Variants in MIPOL1 observed in about 807,000 individuals in gnomAD.
MIPOL1 encodes mirror-image polydactyly gene 1 protein.
A neutral mutation model predicts 60.9 loss-of-function variants in MIPOL1; 57 were observed. The observed-to-expected ratio is 0.94, with a 90% CI of 0.76 to 1.17. MIPOL1 has a LOEUF of 1.17. Among genes scored for constraint, MIPOL1 ranks in the 50% most tolerant of loss-of-function variants. The probability of loss-of-function intolerance (pLI) is 0.00; values close to 1 mark genes in which losing one functional copy is unlikely to be tolerated. For missense variants in MIPOL1, 551 were observed against 511.6 expected (o/e 1.08, Z -0.74); for synonymous variants, 179 against 168.8 (o/e 1.06, Z -0.47).
chr14:37,433,177 C>T (rs193183315), intron 11 of MIPOL1, among the ~76,000 whole-genome samples: 1 of 152,278 alleles, frequency 6.6e-6, no homozygotes, highest in East Asian at 1.9e-4. Context: ...CCTCCTGCCT[C>T]AGCCTCCTGA....
chr14:37,225,593 C>T (rs543504642), intron 1 of MIPOL1, among the ~76,000 whole-genome samples: 357 of 152,250 alleles, frequency 2.3e-3, no homozygotes, highest in Non-Finnish European at 3.7e-3. Flanking sequence ...CTGCACACAG[C>T]ACAGGACCCC....
intron 10 of MIPOL1, 108 bp downstream of exon 10, chr14:37,369,732 G>A (rs2092587392): frequency 5.7e-6 from 4 of 706,406 alleles, no homozygotes; most frequent in Non-Finnish European, 9.3e-6. Context: ...GTGAGCTGTG[G>A]TGTTTGCCAA....
At chr14:37,481,729 A>C (rs1691779414) in intron 11 of MIPOL1, among the ~76,000 whole-genome samples, 1 of 152,142 alleles carries the variant, frequency 6.6e-6, no homozygotes, top group Admixed American at 6.6e-5. Context: ...GATACTGCCA[A>C]AAAATATACC....
intron 9 of MIPOL1, among the ~76,000 whole-genome samples, chr14:37,325,524 T>C (rs2089066850): frequency 6.6e-6 from 1 of 151,914 alleles, no homozygotes; most frequent in Admixed American, 6.6e-5. Flanking sequence ...CTTTCCTTCC[T>C]TTCTTTTTTC....
At chr14:37,430,174 G>A (rs1475720637) in intron 11 of MIPOL1, among the ~76,000 whole-genome samples, 4 of 152,026 alleles carry the variant, frequency 2.6e-5, no homozygotes, top group African/African-American at 9.7e-5. Flanking sequence ...AAGAAGACTT[G>A]AATTACACTT....
chr14:37,457,157 A>C (rs1334483694), intron 11 of MIPOL1, among the ~76,000 whole-genome samples: 1 of 152,180 alleles, frequency 6.6e-6, no homozygotes, highest in Non-Finnish European at 1.5e-5. Flanking sequence ...ACAGTAGAAA[A>C]TTCATGAGAG....
intron 12 of MIPOL1, among the ~76,000 whole-genome samples, chr14:37,517,454 C>T (rs534551350): frequency 1.3e-5 from 2 of 152,004 alleles, no homozygotes; most frequent in African/African-American, 4.8e-5. Flanking sequence ...CTGGTGAGAA[C>T]GTGAAATGGT....
chr14:37,486,952 T>C (rs750067038), intron 11 of MIPOL1, among the ~76,000 whole-genome samples: 1 of 152,188 alleles, frequency 6.6e-6, no homozygotes, highest in Non-Finnish European at 1.5e-5. Flanking sequence ...GCCCATTCAG[T>C]ATGATATTGA....
intron 10 of MIPOL1, among the ~76,000 whole-genome samples, chr14:37,380,161 C>T (rs2092887162): frequency 1.3e-5 from 2 of 152,068 alleles, no homozygotes; most frequent in African/African-American, 4.8e-5. Context: ...ATGAAGCAGT[C>T]AGTTGGAAAA....
At chr14:37,440,509 G>T (rs1215025503) in intron 11 of MIPOL1, among the ~76,000 whole-genome samples, 1 of 151,916 alleles carries the variant, frequency 6.6e-6, no homozygotes, top group Non-Finnish European at 1.5e-5. Flanking sequence ...ACCCAGTTAT[G>T]AATGAGAACA....
intron 11 of MIPOL1, among the ~76,000 whole-genome samples, chr14:37,449,719 T>G (rs2153573516): frequency 6.6e-6 from 1 of 152,294 alleles, no homozygotes; most frequent in Non-Finnish European, 1.5e-5. Context: ...ATTTTGGGCT[T>G]CTTTCTTACT....
chr14:37,406,674 C>T (rs1047577572), intron 10 of MIPOL1, among the ~76,000 whole-genome samples: 5 of 151,918 alleles, frequency 3.3e-5, no homozygotes, highest in East Asian at 3.9e-4. Context: ...TTTTCTTGTG[C>T]GTAATTTGTT....
intron 10 of MIPOL1, among the ~76,000 whole-genome samples, chr14:37,421,251 G>T (rs2153549363): frequency 6.6e-6 from 1 of 152,218 alleles, no homozygotes; most frequent in Non-Finnish European, 1.5e-5. Context: ...CAGGTACCAA[G>T]TAAAAGACTT....
chr14:37,200,901 T>TGTGTGTGTG (rs551548144), intron 1 of MIPOL1, among the ~76,000 whole-genome samples: 1 of 48,818 alleles, frequency 2.0e-5, no homozygotes, highest in Non-Finnish European at 3.7e-5. Flanking sequence ...TGTGTGTGTA[T>TGTGTGTGTG]TTTTTTTTTT....
chr14:37,292,950 G>T (rs1197819606), intron 7 of MIPOL1, among the ~76,000 whole-genome samples: 1 of 152,070 alleles, frequency 6.6e-6, no homozygotes, highest in East Asian at 1.9e-4. Flanking sequence ...TCTGTCTTCT[G>T]CCTGTGGGAT....
chr14:37,261,977 T>G (rs2082543091), intron 3 of MIPOL1, among the ~76,000 whole-genome samples: 1 of 152,152 alleles, frequency 6.6e-6, no homozygotes, highest in African/African-American at 2.4e-5. Context: ...TCTAAACTTT[T>G]ATCTTGTACA....
intron 12 of MIPOL1, among the ~76,000 whole-genome samples, chr14:37,530,178 C>G (rs542649688): frequency 6.6e-6 from 1 of 152,112 alleles, no homozygotes; most frequent in East Asian, 1.9e-4. Flanking sequence ...ATTCAATGAC[C>G]AACTAGATGT....
intron 6 of MIPOL1, chr14:37,278,521 A>G (rs1242690182): frequency 6.6e-6 from 1 of 151,720 alleles, no homozygotes; most frequent in Admixed American, 6.6e-5. Flanking sequence ...ATTATTGTGT[A>G]TATTATATTG....
At chr14:37,424,480 A>C (rs1466135611) in intron 11 of MIPOL1, among the ~76,000 whole-genome samples, 1 of 152,182 alleles carries the variant, frequency 6.6e-6, no homozygotes, top group Non-Finnish European at 1.5e-5. Context: ...GAGGCAAGGA[A>C]GGACTCTCCT....
Sources: gnomAD v4.1 joint callset for allele counts (sites outside exome capture counted in the v4.1 genomes callset) on GRCh38, gnomAD v4.1.1 for gene constraint, MANE v1.5 for transcripts, NCBI Gene and HGNC (gene_info 2026-07-23, HGNC 2026-07-21) for gene names.